Variants in ACOT1 observed in about 807,000 individuals in gnomAD.
ACOT1 encodes acyl-coenzyme A thioesterase 1.
Under a neutral mutation model 15.7 loss-of-function variants are expected in ACOT1, and 8 were observed. The ratio of observed to expected loss-of-function variants is 0.51; its 90% CI spans 0.30 to 0.92. The LOEUF (loss-of-function observed/expected upper bound fraction) is 0.92, where lower values mean the gene tolerates loss of function less well. Among genes scored for constraint, ACOT1 ranks in the 40% least tolerant of loss-of-function variants. The pLI, the probability that ACOT1 is intolerant of heterozygous loss-of-function variation, is 0.06. For synonymous variants in ACOT1, 67 were observed against 241.2 expected (o/e 0.28, Z 6.69); for missense variants, 151 against 539.4 (o/e 0.28, Z 7.13).
At chr14:73,513,762 C>G in the ACOT1 span, among the ~76,000 whole-genome samples, 1 of 130,486 alleles carries the variant, frequency 7.7e-6, no homozygotes, top group African/African-American at 2.8e-5. Context: ...AAAAAATGGT[C>G]TCTGCCTCTG....
the ACOT1 span, chr14:73,522,883 C>T: frequency 2.5e-6 from 4 of 1,614,082 alleles, no homozygotes; most frequent in Non-Finnish European, 3.4e-6. Flanking sequence ...CAAAGCTGTA[C>T]TGGCTATAAG....
the ACOT1 span, chr14:73,506,562 G>A: frequency 1.2e-6 from 2 of 1,612,828 alleles, no homozygotes; most frequent in Non-Finnish European, 1.7e-6. Flanking sequence ...AGCATGGTGT[G>A]TATCAGGGTC....
chr14:73,515,417 T>G, the ACOT1 span, among the ~76,000 whole-genome samples: 1 of 151,878 alleles, frequency 6.6e-6, no homozygotes, highest in East Asian at 1.9e-4. Context: ...CAGTGGCTCA[T>G]GCCTGTAATC....
At chr14:73,500,570 G>A in the ACOT1 span, 1 of 1,613,566 alleles carries the variant, frequency 6.2e-7, no homozygotes, top group African/African-American at 1.3e-5. Context: ...CGGATCTGCA[G>A]GGCACCAGCT....
chr14:73,499,120 G>A, the ACOT1 span: 1 of 1,614,182 alleles, frequency 6.2e-7, no homozygotes, highest in Non-Finnish European at 8.5e-7. Context: ...TCTGCATCAG[G>A]TTCAGGAGGC....
At chr14:73,527,308 A>G in the ACOT1 span, 9 of 152,136 alleles carry the variant, frequency 5.9e-5, no homozygotes, top group African/African-American at 1.9e-4. Flanking sequence ...AATGGACTAA[A>G]TAAGGCACCA....
At chr14:73,512,118 G>A in the ACOT1 span, 3 of 1,614,034 alleles carry the variant, frequency 1.9e-6, no homozygotes, top group Non-Finnish European at 2.5e-6. Flanking sequence ...TCTGAAGCAG[G>A]TTCTCTACTG....
chr14:73,490,964 C>G, the ACOT1 span: 4 of 1,296,220 alleles, frequency 3.1e-6, no homozygotes, highest in Non-Finnish European at 3.9e-6. Context: ...ATTCAGGAAC[C>G]GCTTTAGCTT....
At chr14:73,497,631 CCT>C in the ACOT1 span, among the ~76,000 whole-genome samples, 1 of 151,876 alleles carries the variant, frequency 6.6e-6, no homozygotes, top group Non-Finnish European at 1.5e-5. Flanking sequence ...TAAAACCCAT[CCT>C]TTTTTTTTTT....
At chr14:73,534,793 T>G (rs1353168831), upstream of ACOT1, among the ~76,000 whole-genome samples, 11 of 110,530 alleles carry the variant, frequency 1.0e-4, 1 homozygote, top group Non-Finnish European at 1.7e-4. Flanking sequence ...AATTTTCATG[T>G]CTTATCTTTT....
chr14:73,503,585 TCTTC>T, the ACOT1 span, among the ~76,000 whole-genome samples: 1 of 152,220 alleles, frequency 6.6e-6, no homozygotes, highest in Non-Finnish European at 1.5e-5. Context: ...GTCTTTGTAG[TCTTC>T]CTTTAGGATT....
chr14:73,542,711 A>G (rs1393922113), intron 2 of ACOT1, among the ~76,000 whole-genome samples: 1 of 111,946 alleles, frequency 8.9e-6, no homozygotes, highest in Non-Finnish European at 1.9e-5. Context: ...CGGCCATGAG[A>G]TGACGTACTT....
At chr14:73,528,283 T>A in the ACOT1 span, among the ~76,000 whole-genome samples, 1 of 149,530 alleles carries the variant, frequency 6.7e-6, no homozygotes, top group African/African-American at 2.5e-5. Context: ...TAATCCCAGC[T>A]ACTCAGGAGG....
the ACOT1 span, among the ~76,000 whole-genome samples, chr14:73,510,797 C>A: frequency 6.6e-6 from 1 of 152,058 alleles, no homozygotes; most frequent in African/African-American, 2.4e-5. Flanking sequence ...AGCACAGGAG[C>A]ATGTTGTTTA....
At chr14:73,491,354 C>CCGGTCCG in the ACOT1 span, 1 of 1,432,146 alleles carries the variant, frequency 7.0e-7, no homozygotes, top group Non-Finnish European at 9.1e-7. Flanking sequence ...GCCCGCCGCG[C>CCGGTCCG]GCTCCCTGCA....
the ACOT1 span, among the ~76,000 whole-genome samples, chr14:73,517,956 CG>C: frequency 3.3e-5 from 5 of 151,814 alleles, no homozygotes; most frequent in African/African-American, 9.7e-5. Flanking sequence ...TGTGGTGGCG[CG>C]CACCTGTAGT....
At chr14:73,510,436 G>A in the ACOT1 span, among the ~76,000 whole-genome samples, 1 of 140,030 alleles carries the variant, frequency 7.1e-6, no homozygotes, top group Non-Finnish European at 1.6e-5. Flanking sequence ...TTTTGTTTTT[G>A]TTTTTGTTTT....
the ACOT1 span, among the ~76,000 whole-genome samples, chr14:73,501,663 T>G: frequency 1.3e-5 from 2 of 150,280 alleles, no homozygotes; most frequent in Non-Finnish European, 3.0e-5. Flanking sequence ...AGCTTTGGAC[T>G]TCCTGGACCC....
At chr14:73,497,341 A>G in the ACOT1 span, among the ~76,000 whole-genome samples, 2,960 of 152,262 alleles carry the variant, frequency 0.019, 108 homozygotes, top group African/African-American at 0.067. Context: ...CATCTGGCCA[A>G]GACAATATAT....
Sources: allele counts gnomAD v4.1 joint callset (sites outside exome capture counted in the v4.1 genomes callset), GRCh38; gene constraint gnomAD v4.1.1; transcripts MANE v1.5; gene names NCBI Gene and HGNC (gene_info 2026-07-23, HGNC 2026-07-21).